LY6S: variants seen among roughly 807,000 people sequenced by gnomAD.
LY6S encodes the protein lymphocyte antigen 6S.
At chr8:143,056,878 G>A in the LY6S span, among the ~76,000 whole-genome samples, 1 of 152,082 alleles carries the variant, frequency 6.6e-6, no homozygotes, top group East Asian at 1.9e-4. Flanking sequence ...GATTTCAAAG[G>A]ATGAATCTTA....
At chr8:143,065,259 G>T in the LY6S span, among the ~76,000 whole-genome samples, 1 of 152,116 alleles carries the variant, frequency 6.6e-6, no homozygotes, top group African/African-American at 2.4e-5. Context: ...TCTGAGGTGG[G>T]GCAGGAGACA....
chr8:143,072,736 G>A, the LY6S span, among the ~76,000 whole-genome samples: 14 of 93,278 alleles, frequency 1.5e-4, 1 homozygote, highest in East Asian at 5.2e-4. Flanking sequence ...CCTGTTTGAG[G>A]AGACAGCCGT....
chr8:143,059,266 T>C, the LY6S span, among the ~76,000 whole-genome samples: 1 of 152,178 alleles, frequency 6.6e-6, no homozygotes, highest in Non-Finnish European at 1.5e-5. Context: ...GATAGTGCTT[T>C]TGTGGAGTAG....
chr8:143,050,176 CT>C, the LY6S span, among the ~76,000 whole-genome samples: 519 of 114,840 alleles, frequency 4.5e-3, 1 homozygote, highest in African/African-American at 9.6e-3. Flanking sequence ...CAAAACCTGA[CT>C]TTTTTTTTTT....
chr8:143,072,449 G>T, the LY6S span, among the ~76,000 whole-genome samples: 12 of 126,766 alleles, frequency 9.5e-5, no homozygotes, highest in African/African-American at 3.5e-4. Flanking sequence ...GTCGTCCTCG[G>T]GATTCCTGTT....
the LY6S span, among the ~76,000 whole-genome samples, chr8:143,066,809 T>A: frequency 1.3e-5 from 2 of 152,092 alleles, no homozygotes; most frequent in African/African-American, 2.4e-5. Context: ...CTGGGACGAG[T>A]TAAGACTTTG....
At chr8:143,069,987 G>C in the LY6S span, among the ~76,000 whole-genome samples, 2 of 152,086 alleles carry the variant, frequency 1.3e-5, no homozygotes, top group African/African-American at 4.8e-5. Flanking sequence ...CCGCCATAAC[G>C]AACACCACAA....
chr8:143,058,297 G>A, the LY6S span, among the ~76,000 whole-genome samples: 1 of 152,138 alleles, frequency 6.6e-6, no homozygotes, highest in African/African-American at 2.4e-5. Flanking sequence ...CCGAATGTCT[G>A]GCTGCACTGA....
chr8:143,048,344 G>A, the LY6S span, among the ~76,000 whole-genome samples: 115,739 of 152,170 alleles, frequency 0.76, 44,309 homozygotes, highest in East Asian at 0.93. Flanking sequence ...TTCGCTGCTT[G>A]GTTTCACGCC....
the LY6S span, chr8:143,042,511 C>G: frequency 1.3e-4 from 20 of 157,472 alleles, no homozygotes; most frequent in African/African-American, 4.6e-4. Flanking sequence ...AGCACCTCCC[C>G]AAGGCCATGG....
the LY6S span, among the ~76,000 whole-genome samples, chr8:143,074,302 C>G: frequency 6.6e-6 from 1 of 151,670 alleles, no homozygotes; most frequent in Non-Finnish European, 1.5e-5. Flanking sequence ...GCCCTCTTCT[C>G]TCTGTCTCTG....
the LY6S span, among the ~76,000 whole-genome samples, chr8:143,045,984 G>A: frequency 6.6e-6 from 1 of 152,122 alleles, no homozygotes; most frequent in Non-Finnish European, 1.5e-5. The surrounding 1 kb of genome is among the most constrained non-coding windows in gnomAD (Gnocchi z 5.3). Flanking sequence ...CTCCCGAGTA[G>A]CTGTGACTAC....
the LY6S span, among the ~76,000 whole-genome samples, chr8:143,051,467 G>A: frequency 6.6e-6 from 1 of 151,914 alleles, no homozygotes; most frequent in African/African-American, 2.4e-5. Context: ...CTTGAACTGG[G>A]GAGGCAGAGG....
chr8:143,055,104 C>A, the LY6S span, among the ~76,000 whole-genome samples: 3 of 152,334 alleles, frequency 2.0e-5, no homozygotes, highest in Admixed American at 2.0e-4. Context: ...TCCATGGGAA[C>A]TTGGAAGCAA....
chr8:143,043,458 G>A, the LY6S span, among the ~76,000 whole-genome samples: 8 of 152,210 alleles, frequency 5.3e-5, no homozygotes, highest in Non-Finnish European at 1.2e-4. Flanking sequence ...AAAGCCATCA[G>A]GACCAAGGCC....
At chr8:143,059,398 C>A in the LY6S span, among the ~76,000 whole-genome samples, 36,521 of 151,580 alleles carry the variant, frequency 0.24, 6,410 homozygotes, top group African/African-American at 0.48. Flanking sequence ...GATTTACTGA[C>A]GGTTTTTTTT....
the LY6S span, among the ~76,000 whole-genome samples, chr8:143,065,738 TTCTTTC>T: frequency 2.0e-5 from 3 of 150,454 alleles, no homozygotes; most frequent in African/African-American, 7.4e-5. Flanking sequence ...TTCTTTCTCT[TTCTTTC>T]TCTTTCTTTC....
the LY6S span, among the ~76,000 whole-genome samples, chr8:143,046,227 G>A: frequency 6.6e-6 from 1 of 152,166 alleles, no homozygotes; most frequent in Non-Finnish European, 1.5e-5. Context: ...CACTTTGGGA[G>A]GCCAAGGCAG....
chr8:143,060,270 C>T, the LY6S span, among the ~76,000 whole-genome samples: 1 of 152,206 alleles, frequency 6.6e-6, no homozygotes, highest in Non-Finnish European at 1.5e-5. Context: ...AGACTCTGCT[C>T]CAGCACCTCT....
Sources: gnomAD v4.1 joint callset for allele counts (sites outside exome capture counted in the v4.1 genomes callset) on GRCh38, gnomAD v4.1.1 for gene constraint, Gnocchi (gnomAD v3.1) non-coding constraint, MANE v1.5 for transcripts, NCBI Gene and HGNC (gene_info 2026-07-23, HGNC 2026-07-21) for gene names.